Variants in THTPA observed in about 807,000 individuals in gnomAD.
THTPA encodes the protein thiamine-triphosphatase.
In THTPA, 16 loss-of-function variants were observed where a neutral mutation model predicts 16.5. That is an observed-to-expected ratio of 0.97 (90% CI 0.66 to 1.47). THTPA has a LOEUF of 1.47. Among genes scored for constraint, THTPA ranks in the 40% most tolerant of loss-of-function variants. The probability of loss-of-function intolerance (pLI) is 0.00; values close to 1 mark genes in which losing one functional copy is unlikely to be tolerated. For synonymous variants in THTPA, 110 were observed against 115.5 expected, an observed-to-expected ratio of 0.95 and a Z score of 0.30; for missense variants, 281 against 280.9, an observed-to-expected ratio of 1.00 and a Z score of 0.00.
chr14:23,531,584 G>T, the THTPA span: 1 of 1,526,974 alleles, frequency 6.5e-7, no homozygotes, highest in Non-Finnish European at 8.8e-7. Flanking sequence ...GACGCCTCTG[G>T]GCCTGGGCAT....
chr14:23,511,804 C>G, the THTPA span: 2 of 152,182 alleles, frequency 1.3e-5, no homozygotes, highest in African/African-American at 2.4e-5. Context: ...ATATACTTCT[C>G]TAGGCTGGGG....
At chr14:23,514,304 A>C in the THTPA span, 1 of 152,346 alleles carries the variant, frequency 6.6e-6, no homozygotes, top group East Asian at 1.9e-4. Context: ...TGAAGACACA[A>C]AGGAGGAAGC....
chr14:23,557,866 T>G (rs183467088), intron 1 of THTPA, among the ~76,000 whole-genome samples: 184 of 152,376 alleles, frequency 1.2e-3, no homozygotes, highest in African/African-American at 4.2e-3. Context: ...ATCATGAGAC[T>G]GATGCACTGC....
chr14:23,531,287 T>C, the THTPA span: 1 of 778,788 alleles, frequency 1.3e-6, no homozygotes, highest in South Asian at 5.8e-5. Context: ...TCTTTGCCCC[T>C]CCACTCAAGG....
At chr14:23,540,324 GT>G in the THTPA span, among the ~76,000 whole-genome samples, 2 of 152,112 alleles carry the variant, frequency 1.3e-5, no homozygotes, top group Non-Finnish European at 2.9e-5. Context: ...TTTTCTAATT[GT>G]TTAATCTACC....
the THTPA span, among the ~76,000 whole-genome samples, chr14:23,538,533 A>G: frequency 6.6e-6 from 1 of 152,008 alleles, no homozygotes; most frequent in Non-Finnish European, 1.5e-5. Context: ...GGACAGGCCT[A>G]AGAGTCATCC....
the THTPA span, among the ~76,000 whole-genome samples, chr14:23,528,204 T>C: frequency 6.6e-6 from 1 of 152,180 alleles, no homozygotes; most frequent in East Asian, 1.9e-4. Context: ...CCACCACGCT[T>C]GGCCTCTCAC....
the THTPA span, chr14:23,533,445 G>T: frequency 4.6e-6 from 7 of 1,532,992 alleles, no homozygotes; most frequent in Non-Finnish European, 5.2e-6. The surrounding 1 kb of genome is among the most constrained non-coding windows in gnomAD (Gnocchi z 4.8). Flanking sequence ...GTTCAGGGGG[G>T]CTAGTGGGGG....
At position 23,556,439 on chromosome 14, in the gene THTPA, AGAGG is replaced by A; in HGVS notation, c.-317_-314del. On this transcript the variant is annotated 5_prime_UTR_variant, in exon 1 of 2. Transcript: ENST00000288014. ...AGCCTCCTGGGGTGGCAAGGTGTAG[AGAGG>A]GGGGCGTTGAAAGGACACCCGCTAC... 1 of 350,278 alleles carries A rather than the reference AGAGG, an allele frequency of 2.9e-6. No homozygotes were observed. The highest frequency in any genetic ancestry group is 3.8e-5 in the South Asian group (1 of 26,028). The allele number at this position is 350,278 out of a possible 1,614,324, so 21.7% of individuals were successfully genotyped here. A position where few individuals can be genotyped will look rare whatever the true frequency, so the allele number is the denominator to read the frequency against.
chr14:23,531,848 A>G, the THTPA span: 18 of 1,187,310 alleles, frequency 1.5e-5, no homozygotes, highest in Non-Finnish European at 1.6e-5. Flanking sequence ...CATGATCTCT[A>G]CTCACTGAAG....
chr14:23,531,431 C>A, the THTPA span: 4 of 1,353,856 alleles, frequency 3.0e-6, no homozygotes, highest in Non-Finnish European at 2.9e-6. Context: ...CTCCCCACAT[C>A]CTGCTGCCCT....
chr14:23,534,410 G>A, the THTPA span: 13 of 1,536,852 alleles, frequency 8.5e-6, no homozygotes, highest in Non-Finnish European at 1.1e-5. This position sits in a 1 kb window ranked among gnomAD's most constrained non-coding sequence, Gnocchi z 4.5. Context: ...CTGTTGTCAA[G>A]GGGTATGTCA....
the THTPA span, among the ~76,000 whole-genome samples, chr14:23,537,515 T>G: frequency 6.6e-6 from 1 of 152,120 alleles, no homozygotes; most frequent in South Asian, 2.1e-4. Context: ...GAAGGCCCCA[T>G]TGTAGCTTCC....
At position 23,557,046 on chromosome 14, in the gene THTPA, C is replaced by T; in HGVS notation, c.289C>T (p.Arg97Trp). 2 of 1,614,214 alleles carry T rather than the reference C, an allele frequency of 1.2e-6. No individual in the cohort carries two copies. The highest frequency in any genetic ancestry group is 1.1e-5 in the South Asian group (1 of 91,082). The change falls in exon 1 of 2, where the codon CGG becomes TGG. Residue 97 changes from arginine (R) to tryptophan (W), a missense_variant. By Grantham distance (101) the Arg-to-Trp change is moderately radical. Transcript: ENST00000288014. ...TIVAQLCKVL[R>W]ADGLGAGDVA... The stretch of plus-strand genomic sequence containing the variant: ...TGTGGCCCAACTCTGTAAGGTGCTG[C>T]GGGCTGACGGCCTGGGGGCTGGAGA...
the THTPA span, chr14:23,524,283 G>A: frequency 2.6e-6 from 4 of 1,536,358 alleles, no homozygotes; most frequent in Non-Finnish European, 3.5e-6. The surrounding 1 kb of genome is among the most constrained non-coding windows in gnomAD (Gnocchi z 5.6). Context: ...ATGCAGTCGA[G>A]CATCTTGCGT....
the THTPA span, chr14:23,529,911 C>T: frequency 1.0e-6 from 1 of 996,878 alleles, no homozygotes; most frequent in Non-Finnish European, 1.5e-6. Flanking sequence ...AGGGCTGACT[C>T]CGGGTCAGTA....
At position 23,559,810 on chromosome 14, in the gene THTPA, A is replaced by C; in HGVS notation, c.*970A>C. ...AAAGATCTCCTGCACCGACTGGTGAAAGTGGTCGTAGGTGAGGCGCAGCTT... is the reference window on the plus strand; with the variant it reads ...AAAGATCTCCTGCACCGACTGGTGACAGTGGTCGTAGGTGAGGCGCAGCTT... On this transcript the variant is annotated 3_prime_UTR_variant, in exon 2 of 2. Transcript: ENST00000288014. The C allele has an allele frequency of 6.2e-7, 1 of 1,614,114 alleles. No individual in the cohort carries two copies. Among genetic ancestry groups the C allele is most frequent in the Non-Finnish European group, 8.5e-7 (1 of 1,180,026 alleles).
At chr14:23,527,801 A>G in the THTPA span, 4 of 1,532,272 alleles carry the variant, frequency 2.6e-6, no homozygotes, top group Non-Finnish European at 3.5e-6. Context: ...GGACAGCAGT[A>G]TACCTGGAGG....
chr14:23,546,438 G>A, the THTPA span, among the ~76,000 whole-genome samples: 1 of 152,278 alleles, frequency 6.6e-6, no homozygotes, highest in African/African-American at 2.4e-5. This position sits in a 1 kb window ranked among gnomAD's most constrained non-coding sequence, Gnocchi z 4.7. Context: ...CATGCCAGTG[G>A]TACAGCTTGG....
Sources: allele counts gnomAD v4.1 joint callset (sites outside exome capture counted in the v4.1 genomes callset), GRCh38; gene constraint gnomAD v4.1.1; non-coding constraint Gnocchi (gnomAD v3.1); transcripts MANE v1.5; gene names NCBI Gene and HGNC (gene_info 2026-07-23, HGNC 2026-07-21).